Variants in ARHGAP42 observed in about 807,000 individuals in gnomAD.
The protein encoded by ARHGAP42 is rho GTPase-activating protein 42.
Under a neutral mutation model 125.0 loss-of-function variants are expected in ARHGAP42, and 63 were observed. The observed-to-expected ratio is 0.50, with a 90% CI of 0.41 to 0.62. The LOEUF is 0.62. Among genes scored for constraint, ARHGAP42 ranks in the 20% least tolerant of loss-of-function variants. ARHGAP42 has a pLI of 0.00. For synonymous variants in ARHGAP42, 339 were observed against 351.0 expected, an observed-to-expected ratio of 0.97 and a Z score of 0.38; for missense variants, 766 against 1,024.2, an observed-to-expected ratio of 0.75 and a Z score of 3.44.
At chr11:100,704,613 A>T (rs114604579) in intron 1 of ARHGAP42, among the ~76,000 whole-genome samples, 1,788 of 151,744 alleles carry the variant, frequency 0.012, 35 homozygotes, top group African/African-American at 0.041. Context: ...GTAAGAGGGG[A>T]TGAGAGGATG....
intron 16 of ARHGAP42, among the ~76,000 whole-genome samples, chr11:100,963,431 C>T (rs889552547): frequency 4.3e-4 from 65 of 152,252 alleles, no homozygotes; most frequent in African/African-American, 1.2e-3. Flanking sequence ...TAAGAGCTGG[C>T]ATTTCATTGT....
At chr11:100,701,577 G>C (rs760143903) in intron 1 of ARHGAP42, among the ~76,000 whole-genome samples, 1 of 152,152 alleles carries the variant, frequency 6.6e-6, no homozygotes, top group African/African-American at 2.4e-5. Flanking sequence ...TATATTGTAG[G>C]GATGGCTTCT....
intron 3 of ARHGAP42, among the ~76,000 whole-genome samples, chr11:100,813,991 G>T (rs2135064026): frequency 6.6e-6 from 1 of 152,182 alleles, no homozygotes; most frequent in East Asian, 1.9e-4. Context: ...TCGAGATCAA[G>T]ACCATACTGG....
intron 4 of ARHGAP42, among the ~76,000 whole-genome samples, chr11:100,872,193 T>A (rs553964404): frequency 1.3e-5 from 2 of 152,352 alleles, no homozygotes; most frequent in East Asian, 1.9e-4. Flanking sequence ...ATAGCATTTT[T>A]AAAAATAGTG....
chr11:100,736,042 A>G (rs528392653), intron 1 of ARHGAP42, among the ~76,000 whole-genome samples: 1 of 152,348 alleles, frequency 6.6e-6, no homozygotes, highest in Admixed American at 6.5e-5. Context: ...AGGAAAGGAT[A>G]GTTTTCAGAG....
At chr11:100,857,893 A>G (rs1019901259) in intron 3 of ARHGAP42, among the ~76,000 whole-genome samples, 1 of 152,102 alleles carries the variant, frequency 6.6e-6, no homozygotes, top group Admixed American at 6.6e-5. Context: ...CTGGCTTTAA[A>G]TACATTAGCT....
chr11:100,725,088 A>G (rs982080134), intron 1 of ARHGAP42, among the ~76,000 whole-genome samples: 2 of 151,946 alleles, frequency 1.3e-5, no homozygotes, highest in African/African-American at 4.8e-5. Context: ...TTTTGAAGTA[A>G]GTTATTTAAT....
chr11:100,992,559 G>A lies in ARHGAP42; in HGVS notation c.*3758G>A, dbSNP rs1425864342. The stretch of plus-strand genomic sequence containing the variant: ...GCCTGTCTCCTGTTGATTCGCAGAT[G>A]TAATATCGAGTATTCATCAACTGGT... On this transcript the variant is annotated 3_prime_UTR_variant, in exon 24 of 24. Transcript: ENST00000298815. The A allele has an allele frequency of 6.2e-7, 1 of 1,614,094 alleles. No homozygotes were observed. The highest frequency in any genetic ancestry group is 8.5e-7 in the Non-Finnish European group (1 of 1,179,978).
intron 1 of ARHGAP42, among the ~76,000 whole-genome samples, chr11:100,701,306 G>A (rs1180920283): frequency 6.6e-6 from 1 of 152,144 alleles, no homozygotes; most frequent in African/African-American, 2.4e-5. Flanking sequence ...GAATGGTAAA[G>A]GAGCATTGGC....
intron 2 of ARHGAP42, among the ~76,000 whole-genome samples, chr11:100,775,713 CTT>C (rs1863102620): frequency 6.6e-6 from 1 of 152,192 alleles, no homozygotes; most frequent in South Asian, 2.1e-4. Context: ...TAATAAAAGA[CTT>C]TAAGTCTGAG....
chr11:100,848,186 A>T (rs1030811602), intron 3 of ARHGAP42, among the ~76,000 whole-genome samples: 4 of 152,126 alleles, frequency 2.6e-5, no homozygotes, highest in African/African-American at 9.7e-5. Context: ...TTTAATTTTG[A>T]TGGTTGTAAC....
intron 1 of ARHGAP42, among the ~76,000 whole-genome samples, chr11:100,720,847 A>C (rs1416544210): frequency 6.6e-6 from 1 of 152,200 alleles, no homozygotes; most frequent in Non-Finnish European, 1.5e-5. Flanking sequence ...TCAAAAATGA[A>C]TATTAAAAAG....
chr11:100,974,996 G>C (rs965529952), intron 19 of ARHGAP42, among the ~76,000 whole-genome samples: 1 of 152,068 alleles, frequency 6.6e-6, no homozygotes, highest in Non-Finnish European at 1.5e-5. Flanking sequence ...GGGTATCAGT[G>C]TCTGAAAGAG....
At chr11:100,871,602 T>C (rs929235308) in intron 4 of ARHGAP42, among the ~76,000 whole-genome samples, 1 of 151,246 alleles carries the variant, frequency 6.6e-6, no homozygotes, top group African/African-American at 2.4e-5. Context: ...AAAAATTAAC[T>C]AAAACTTTTT....
chr11:100,983,366 A>T (rs1329792633), intron 22 of ARHGAP42, among the ~76,000 whole-genome samples: 2 of 152,196 alleles, frequency 1.3e-5, no homozygotes. Flanking sequence ...TACCCAACAT[A>T]ATACAAAATA....
intron 2 of ARHGAP42, among the ~76,000 whole-genome samples, chr11:100,774,584 C>T (rs116781987): frequency 5.1e-4 from 78 of 152,256 alleles, no homozygotes; most frequent in African/African-American, 1.7e-3. Flanking sequence ...AAAAGTAAGA[C>T]ATCGGCAGGC....
At chr11:100,764,235 G>T (rs1862779152) in intron 1 of ARHGAP42, among the ~76,000 whole-genome samples, 1 of 151,914 alleles carries the variant, frequency 6.6e-6, no homozygotes, top group African/African-American at 2.4e-5. Flanking sequence ...TGTTGCCCAG[G>T]TTCAATTTCA....
At chr11:100,946,014 C>A (rs1361859178) in intron 10 of ARHGAP42, among the ~76,000 whole-genome samples, 1 of 152,068 alleles carries the variant, frequency 6.6e-6, no homozygotes, top group South Asian at 2.1e-4. Context: ...TTACTGTAGC[C>A]ACCTTCATCC....
chr11:100,976,941 C>G lies in ARHGAP42; in HGVS notation c.2363C>G (p.Ser788Ter), dbSNP rs1197569278. The change falls in exon 21 of 24, where the codon TCA becomes TGA. Residue 788 changes from serine to a stop codon, truncating the protein, a stop_gained. Coordinates refer to ENST00000298815, the MANE Select transcript of ARHGAP42 (RefSeq NM_152432.4). LOFTEE classifies it high-confidence loss of function. ...MCRRLRLDTASSNGYQRPGSV... is the reference protein window; with the variant it reads ...MCRRLRLDTA ...AGGAGATTAAGACTAGACACTGCCT[C>G]AAGCAATGGCTATCAGCGGCCTGGC... 6.4e-7 allele frequency: 1 copy of G among 1,551,432 alleles called. No individual in the cohort carries two copies. The highest frequency in any genetic ancestry group is 1.4e-5 in the African/African-American group (1 of 73,144).
Sources: allele counts gnomAD v4.1 joint callset (sites outside exome capture counted in the v4.1 genomes callset), GRCh38; gene constraint gnomAD v4.1.1; transcripts MANE v1.5; gene names NCBI Gene and HGNC (gene_info 2026-07-23, HGNC 2026-07-21).